The following FRMD3 variants were observed in gnomAD, a reference collection of about 807,000 sequenced individuals.
FRMD3 encodes the protein FERM domain-containing protein 3.
In FRMD3, 33 loss-of-function variants were observed where a neutral mutation model predicts 70.2. The ratio of observed to expected loss-of-function variants is 0.47; its 90% CI spans 0.36 to 0.63. FRMD3 has a LOEUF of 0.63. Ranked by LOEUF, FRMD3 falls within the 20% of genes least tolerant of loss-of-function variation. FRMD3 has a pLI of 0.00. For synonymous variants in FRMD3, 279 were observed against 255.9 expected (o/e 1.09, Z -0.86); for missense variants, 632 against 711.4 (o/e 0.89, Z 1.27).
intron 1 of FRMD3, among the ~76,000 whole-genome samples, chr9:83,467,366 G>A (rs1358173256): frequency 6.6e-6 from 1 of 152,112 alleles, no homozygotes; most frequent in Non-Finnish European, 1.5e-5. Context: ...TTGGAGAAAT[G>A]TTCCTCTAAG....
chr9:83,536,925 T>G (rs1363331805), intron 1 of FRMD3, among the ~76,000 whole-genome samples: 2 of 75,916 alleles, frequency 2.6e-5, no homozygotes, highest in Non-Finnish European at 4.9e-5. Flanking sequence ...TGCCCTGTAT[T>G]ACACTAAAAA....
At chr9:83,474,299 A>C (rs1828341991) in intron 1 of FRMD3, among the ~76,000 whole-genome samples, 1 of 152,178 alleles carries the variant, frequency 6.6e-6, no homozygotes. Context: ...TAGGGATCTG[A>C]GCCTCCTGAG....
At chr9:83,268,018 C>T (rs771132664) in intron 13 of FRMD3, among the ~76,000 whole-genome samples, 4 of 152,164 alleles carry the variant, frequency 2.6e-5, no homozygotes, top group African/African-American at 4.8e-5. Flanking sequence ...ACCACAATCA[C>T]GAAGTTAGTA....
chr9:83,389,194 C>T lies in FRMD3; in HGVS notation c.252+410G>A, dbSNP rs151162616. Among the ~76,000 whole-genome samples the T allele has an allele frequency of 2.5e-3, 385 of 152,224 alleles. 3 individuals carry two copies. The highest frequency in any genetic ancestry group is 8.9e-3 in the African/African-American group (368 of 41,530). ...AACTCCTGGGTTCAAGTGGTCCATT[C>T]ATCTAGGCCTCCCAAAGTGCTGGGA... On this transcript the variant is annotated intron_variant, in intron 2 of 13. Coordinates refer to ENST00000304195, the MANE Select transcript of FRMD3 (RefSeq NM_174938.6).
intron 2 of FRMD3, among the ~76,000 whole-genome samples, chr9:83,381,880 T>A (rs1045331300): frequency 3.3e-5 from 5 of 152,172 alleles, no homozygotes; most frequent in African/African-American, 1.2e-4. Flanking sequence ...TATTGGAGCA[T>A]GAAAGCAGCT....
At chr9:83,256,136 G>T (rs1466349477) in intron 13 of FRMD3, among the ~76,000 whole-genome samples, 1 of 152,150 alleles carries the variant, frequency 6.6e-6, no homozygotes, top group Non-Finnish European at 1.5e-5. Flanking sequence ...CAAGGCTACA[G>T]TAACCAAAAC....
intron 1 of FRMD3, among the ~76,000 whole-genome samples, chr9:83,429,092 A>C (rs1297420875): frequency 6.6e-6 from 1 of 152,264 alleles, no homozygotes; most frequent in Non-Finnish European, 1.5e-5. Flanking sequence ...CTGAGGTTCT[A>C]TAATTCATGA....
intron 10 of FRMD3, among the ~76,000 whole-genome samples, 166 bp from the exon 11 acceptor site, chr9:83,299,352 G>A (rs1214621944): frequency 6.6e-6 from 1 of 152,192 alleles, no homozygotes; most frequent in African/African-American, 2.4e-5. Flanking sequence ...CTTCACAAAA[G>A]AATAGTTACT....
At chr9:83,372,870 T>C (rs1214770100) in intron 3 of FRMD3, 43 bp downstream of exon 3, 2 of 1,541,280 alleles carry the variant, frequency 1.3e-6, no homozygotes, top group Non-Finnish European at 1.8e-6. Context: ...TATCTATCTT[T>C]GGACACATTG....
intron 4 of FRMD3, among the ~76,000 whole-genome samples, chr9:83,346,504 A>G (rs538060483): frequency 2.6e-5 from 4 of 152,160 alleles, no homozygotes; most frequent in Non-Finnish European, 5.9e-5. Context: ...AAATCTATAG[A>G]GACAGAAAAC....
At chr9:83,417,795 G>T (rs759544751) in intron 1 of FRMD3, among the ~76,000 whole-genome samples, 1 of 152,162 alleles carries the variant, frequency 6.6e-6, no homozygotes, top group Non-Finnish European at 1.5e-5. Flanking sequence ...ATGTTCAGGG[G>T]AAGAAGACCA....
chr9:83,550,706 G>GTGTT, the FRMD3 span, among the ~76,000 whole-genome samples: 11 of 151,344 alleles, frequency 7.3e-5, no homozygotes, highest in Admixed American at 6.6e-4. Context: ...GTGTGTGTGT[G>GTGTT]TGTGTGTGTG....
chr9:83,388,595 G>A (rs1825577844), intron 2 of FRMD3, among the ~76,000 whole-genome samples: 1 of 152,098 alleles, frequency 6.6e-6, no homozygotes, highest in African/African-American at 2.4e-5. Flanking sequence ...ATGCTACACT[G>A]AACACACCTA....
chr9:83,475,653 G>C (rs1828378681), intron 1 of FRMD3, among the ~76,000 whole-genome samples: 1 of 152,002 alleles, frequency 6.6e-6, no homozygotes, highest in African/African-American at 2.4e-5. Flanking sequence ...ATTTGAAAGA[G>C]CTTTTATTTT....
At chr9:83,352,631 C>T (rs1176474996) in intron 3 of FRMD3, among the ~76,000 whole-genome samples, 1 of 152,142 alleles carries the variant, frequency 6.6e-6, no homozygotes, top group Non-Finnish European at 1.5e-5. Context: ...CACTTGTGGG[C>T]CTTCTGAGTC....
intron 12 of FRMD3, among the ~76,000 whole-genome samples, 172 bp from the exon 13 acceptor site, chr9:83,290,899 G>T (rs1834392977): frequency 6.6e-6 from 1 of 152,094 alleles, no homozygotes; most frequent in South Asian, 2.1e-4. Context: ...GGCCCTTTCT[G>T]CTCTTAAGGT....
chr9:83,371,609 G>A (rs1471938138), intron 3 of FRMD3, among the ~76,000 whole-genome samples: 3 of 152,118 alleles, frequency 2.0e-5, no homozygotes, highest in South Asian at 2.1e-4. Flanking sequence ...AGCCTGGCCC[G>A]TCCTATTATT....
chr9:83,571,493 G>A, the FRMD3 span, among the ~76,000 whole-genome samples: 11 of 152,212 alleles, frequency 7.2e-5, no homozygotes, highest in Non-Finnish European at 1.5e-4. Context: ...ACTGCAGGAA[G>A]AGCAAGCCTG....
At chr9:83,248,626 AATT>A in intron 13 of FRMD3, 110 bp from the exon 14 acceptor site, 1 of 1,162,650 alleles carries the variant, frequency 8.6e-7, no homozygotes. Context: ...CAATCTATGA[AATT>A]ATTCTGTGGT....
Sources: allele counts gnomAD v4.1 joint callset (sites outside exome capture counted in the v4.1 genomes callset), GRCh38; gene constraint gnomAD v4.1.1; transcripts MANE v1.5; gene names NCBI Gene and HGNC (gene_info 2026-07-23, HGNC 2026-07-21).